Variants in EPC2 observed in about 807,000 individuals in gnomAD.
The protein encoded by EPC2 is enhancer of polycomb homolog 2.
Under a neutral mutation model 92.1 loss-of-function variants are expected in EPC2, and 14 were observed. That is an observed-to-expected ratio of 0.15 (90% CI 0.10 to 0.24). EPC2 has a LOEUF of 0.24. Among genes scored for constraint, EPC2 ranks in the 10% least tolerant of loss-of-function variants. The pLI, the probability that EPC2 is intolerant of heterozygous loss-of-function variation, is 1.00. For synonymous variants in EPC2, 340 were observed against 334.7 expected (o/e 1.02, Z -0.17); for missense variants, 755 against 971.5 (o/e 0.78, Z 2.96).
chr2:148,760,668 A>G (rs1443772094), intron 4 of EPC2, among the ~76,000 whole-genome samples: 1 of 152,246 alleles, frequency 6.6e-6, no homozygotes, highest in African/African-American at 2.4e-5. Context: ...TTAAAATTAC[A>G]CAAAAGGATG....
At chr2:148,703,025 A>C (rs1681920409) in intron 2 of EPC2, among the ~76,000 whole-genome samples, 1 of 152,210 alleles carries the variant, frequency 6.6e-6, no homozygotes. Flanking sequence ...GGTGCAGAGC[A>C]CTATGGGTGA....
chr2:148,699,472 T>G (rs1681831307), intron 2 of EPC2, among the ~76,000 whole-genome samples: 1 of 152,232 alleles, frequency 6.6e-6, no homozygotes, highest in Non-Finnish European at 1.5e-5. Context: ...ACCACTGATC[T>G]TTTTGTTGTC....
At chr2:148,779,991 A>G (rs761583559) in intron 10 of EPC2, among the ~76,000 whole-genome samples, 5 of 152,206 alleles carry the variant, frequency 3.3e-5, no homozygotes, top group Admixed American at 1.3e-4. Context: ...AAGGTTTTCA[A>G]ATAGCTGGAA....
intron 2 of EPC2, among the ~76,000 whole-genome samples, chr2:148,730,982 T>C (rs938829847): frequency 6.6e-6 from 1 of 152,198 alleles, no homozygotes; most frequent in Non-Finnish European, 1.5e-5. Flanking sequence ...TTTTATCCAG[T>C]CTTGTTTTTG....
chr2:148,759,740 C>A (rs1197906938), intron 4 of EPC2, among the ~76,000 whole-genome samples: 2 of 152,038 alleles, frequency 1.3e-5, no homozygotes, highest in Non-Finnish European at 2.9e-5. Flanking sequence ...TATGTATACA[C>A]ATACAGAGAG....
chr2:148,690,860 G>T (rs1012080423), intron 2 of EPC2, among the ~76,000 whole-genome samples: 1 of 152,000 alleles, frequency 6.6e-6, no homozygotes, highest in Non-Finnish European at 1.5e-5. Flanking sequence ...ATGGGATTTC[G>T]TCTTGTTGGC....
At chr2:148,756,129 C>A (rs543274552) in intron 4 of EPC2, among the ~76,000 whole-genome samples, 1 of 152,290 alleles carries the variant, frequency 6.6e-6, no homozygotes, top group East Asian at 1.9e-4. Context: ...GTAACTGATT[C>A]TTGTGTTTAG....
rs56911412 is a variant in EPC2, at chr2:148,663,592, A to ATTTTTTTT, written c.153+18443_153+18450dup. ...TTCCAGTTTTACTATATAGATTAAG[A>ATTTTTTTT]TTTTTTTTTTTTTTTTTTTTTTTTT... On this transcript the variant is annotated intron_variant, in intron 1 of 13. Transcript: ENST00000258484. Among the ~76,000 whole-genome samples, 199 of 74,364 alleles carry ATTTTTTTT rather than the reference A, an allele frequency of 2.7e-3. 12 individuals carry two copies. Among genetic ancestry groups the ATTTTTTTT allele is most frequent in the African/African-American group, 0.01 (186 of 17,842 alleles). 48.8% of individuals were successfully genotyped at this position (74,364 alleles called of 152,430 possible).
chr2:148,749,150 T>C (rs1440744013), intron 3 of EPC2, among the ~76,000 whole-genome samples: 1 of 152,148 alleles, frequency 6.6e-6, no homozygotes, highest in Non-Finnish European at 1.5e-5. Flanking sequence ...ATTATCACCT[T>C]GGGATACAGG....
chr2:148,729,385 A>G (rs1483211100), intron 2 of EPC2, among the ~76,000 whole-genome samples: 2 of 152,156 alleles, frequency 1.3e-5, no homozygotes. Flanking sequence ...GGTAGTATAG[A>G]TAGTTCCTGT....
intron 2 of EPC2, among the ~76,000 whole-genome samples, chr2:148,739,474 T>G (rs1049280248): frequency 1.3e-5 from 2 of 152,190 alleles, no homozygotes; most frequent in African/African-American, 4.8e-5. Context: ...TACTTACATA[T>G]GAATATGGCC....
At chr2:148,672,323 A>G (rs1348558291) in intron 1 of EPC2, among the ~76,000 whole-genome samples, 1 of 151,988 alleles carries the variant, frequency 6.6e-6, no homozygotes, top group African/African-American at 2.4e-5. Context: ...TTTCACTTTC[A>G]GGCTATGTTT....
intron 1 of EPC2, among the ~76,000 whole-genome samples, chr2:148,682,014 G>T (rs762689911): frequency 1.3e-5 from 2 of 152,122 alleles, no homozygotes; most frequent in Non-Finnish European, 2.9e-5. Context: ...GAATGATGGT[G>T]TCCAGCTGCA....
intron 1 of EPC2, among the ~76,000 whole-genome samples, chr2:148,676,407 A>C (rs1365850682): frequency 2.0e-5 from 3 of 152,124 alleles, no homozygotes; most frequent in Admixed American, 1.3e-4. Context: ...GAGATGTTTC[A>C]ATTAAAATGC....
chr2:148,782,920 G>A (rs1340622175), intron 11 of EPC2, among the ~76,000 whole-genome samples: 1 of 152,098 alleles, frequency 6.6e-6, no homozygotes, highest in Non-Finnish European at 1.5e-5. Context: ...GTTATATTTT[G>A]TGAGCTCTCA....
At chr2:148,773,736 T>C (rs1275203602) in intron 10 of EPC2, among the ~76,000 whole-genome samples, 2 of 152,168 alleles carry the variant, frequency 1.3e-5, no homozygotes, top group Non-Finnish European at 2.9e-5. Context: ...AATTTAATGA[T>C]TTATATCAGT....
chr2:148,782,783 A>G (rs1363465003), intron 11 of EPC2, among the ~76,000 whole-genome samples: 1 of 152,124 alleles, frequency 6.6e-6, no homozygotes, highest in Non-Finnish European at 1.5e-5. Flanking sequence ...TAAAAGCAAA[A>G]CTAAGAAATC....
intron 8 of EPC2, 145 bp from the exon 9 acceptor site, chr2:148,770,647 T>G: frequency 2.2e-6 from 2 of 913,850 alleles, no homozygotes; most frequent in Non-Finnish European, 3.1e-6. Context: ...TAATAGTCAA[T>G]GAAGCCCCAC....
intron 4 of EPC2, among the ~76,000 whole-genome samples, chr2:148,756,092 T>C (rs1217762432): frequency 1.3e-5 from 2 of 152,224 alleles, no homozygotes; most frequent in Non-Finnish European, 2.9e-5. Flanking sequence ...TTCTGCTTCT[T>C]TTGTTCTAAC....
Sources: allele counts gnomAD v4.1 joint callset (sites outside exome capture counted in the v4.1 genomes callset), GRCh38; gene constraint gnomAD v4.1.1; transcripts MANE v1.5; gene names NCBI Gene and HGNC (gene_info 2026-07-23, HGNC 2026-07-21).